Variants in PLSCR2 observed in about 807,000 individuals in gnomAD.
The protein encoded by PLSCR2 is PL scramblase 2.
A neutral mutation model predicts 25.3 loss-of-function variants in PLSCR2; 18 were observed. The observed-to-expected ratio is 0.71, with a 90% confidence interval of 0.49 to 1.06. PLSCR2 has a LOEUF of 1.06. Among genes scored for constraint, PLSCR2 ranks in the 50% least tolerant of loss-of-function variants. PLSCR2 has a pLI of 0.00. For missense variants in PLSCR2, 243 were observed against 269.5 expected (o/e 0.90, Z 0.69); for synonymous variants, 88 against 87.3 (o/e 1.01, Z -0.04).
At chr3:146,397,605 T>C (rs1435378027) in intron 2 of PLSCR2, among the ~76,000 whole-genome samples, 1 of 152,164 alleles carries the variant, frequency 6.6e-6, no homozygotes, top group Non-Finnish European at 1.5e-5. Context: ...TTTAAAATTG[T>C]TTCGCTTCAA....
At chr3:146,437,125 C>G (rs2039911822), downstream of PLSCR2, among the ~76,000 whole-genome samples, 2 of 152,052 alleles carry the variant, frequency 1.3e-5, no homozygotes, top group Admixed American at 1.3e-4. Context: ...AGGAATGAAG[C>G]CCACTAGATC....
chr3:146,448,360 G>T (rs1015934194), intron 6 of PLSCR2, among the ~76,000 whole-genome samples: 3 of 152,060 alleles, frequency 2.0e-5, no homozygotes, highest in Non-Finnish European at 4.4e-5. Flanking sequence ...ATCTGTTAAG[G>T]TTTTCTGATT....
chr3:146,456,456 T>TG lies in PLSCR2; in HGVS notation c.101-998dup, dbSNP rs112854666. ...AACATCTGCTGTAGACAAAAGTTTGTGAAAAAATTTAAAATCGAATATAAA... is the reference window on the plus strand; with the variant it reads ...AACATCTGCTGTAGACAAAAGTTTGTGGAAAAAATTTAAAATCGAATATAAA... On this transcript the variant is annotated intron_variant, in intron 3 of 6. Transcript: ENST00000610787. 2.2e-3 allele frequency among the ~76,000 whole-genome samples: 332 copies of TG among 152,284 alleles called. 1 individual carries two copies. The highest frequency in any genetic ancestry group is 7.6e-3 in the African/African-American group (315 of 41,556).
intron 1 of PLSCR2, among the ~76,000 whole-genome samples, chr3:146,479,214 C>T (rs1363436786): frequency 6.6e-6 from 1 of 152,030 alleles, no homozygotes; most frequent in Admixed American, 6.6e-5. Flanking sequence ...CTAACATTAT[C>T]ACGACAGGAT....
chr3:146,411,647 A>G (rs1166831779), intron 2 of PLSCR2, among the ~76,000 whole-genome samples: 1 of 152,190 alleles, frequency 6.6e-6, no homozygotes, highest in Admixed American at 6.5e-5. Context: ...ACACTTTGAG[A>G]TGAATTGAGA....
rs796307453 is a variant in PLSCR2 at position 146,399,674 on chromosome 3, TTTCTTTCCTTCCTTCC to T, written c.101-3769_101-3754del. Among the ~76,000 whole-genome samples the T allele has an allele frequency of 2.2e-4, 34 of 151,676 alleles. 1 individual carries two copies. Among genetic ancestry groups the T allele is most frequent in the Admixed American group, 1.1e-3 (17 of 15,222 alleles). On this transcript the variant is annotated intron_variant and NMD_transcript_variant, in intron 2 of 3. Coordinates refer to the PLSCR2 transcript ENST00000463633. ...TTCTGAAAAGTAGAGAATTCTGGCC[TTTCTTTCCTTCCTTCC>T]TTCTTTCCTTCCTTCCTTCTGCTCT...
chr3:146,444,919 G>C (rs2868436), intron 6 of PLSCR2, among the ~76,000 whole-genome samples: 73,577 of 151,682 alleles, frequency 0.49, 18,775 homozygotes, highest in South Asian at 0.7. Context: ...GATTCTGTAT[G>C]TATCTTTTCT....
chr3:146,480,020 G>T (rs1470321429), intron 1 of PLSCR2, among the ~76,000 whole-genome samples: 2 of 152,120 alleles, frequency 1.3e-5, no homozygotes, highest in African/African-American at 2.4e-5. Flanking sequence ...CAAAAATAAA[G>T]ATGTTCTTTG....
intron 2 of PLSCR2, among the ~76,000 whole-genome samples, chr3:146,424,217 T>G (rs1004798617): frequency 2.6e-5 from 4 of 152,040 alleles, no homozygotes; most frequent in Non-Finnish European, 5.9e-5. Context: ...ACCTTCTCAC[T>G]ATGTCCTCCC....
chr3:146,426,680 T>A (rs918746766), intron 2 of PLSCR2, among the ~76,000 whole-genome samples: 1 of 152,334 alleles, frequency 6.6e-6, no homozygotes, highest in Admixed American at 6.5e-5. Context: ...GGAAAGCAGA[T>A]AAATATTATT....
At chr3:146,434,635 A>G (rs1337875727) in intron 8 of PLSCR2, among the ~76,000 whole-genome samples, 1 of 152,088 alleles carries the variant, frequency 6.6e-6, no homozygotes, top group Non-Finnish European at 1.5e-5. Context: ...AATCCCTAAA[A>G]ATTAAGAACA....
chr3:146,469,371 C>G lies in PLSCR2; in HGVS notation c.-292-9087G>C, dbSNP rs963681409. 5.2e-6 allele frequency: 5 copies of G among 959,498 alleles called. No individual in the cohort carries two copies. The African/African-American group carries it at 5.3e-5, about 10-fold the overall frequency. The allele number at this position is 959,498 out of a possible 1,614,324, so 59.4% of individuals were successfully genotyped here. On this transcript the variant is annotated intron_variant, in intron 1 of 8. Coordinates refer to the PLSCR2 transcript ENST00000336685. ...CCGTTCCACTTCAGGTGTCGCTTCC[C>G]GCGGCCCATTGGGCCCTTGCCCCGC...
upstream of PLSCR2, chr3:146,463,908 G>C (rs1019879709): frequency 1.0e-6 from 1 of 973,092 alleles, no homozygotes; most frequent in Admixed American, 6.2e-5. Flanking sequence ...AAACTCTTAA[G>C]AATTCTCCAA....
At chr3:146,449,551 G>GTGTAT (rs2040773907) in intron 5 of PLSCR2, among the ~76,000 whole-genome samples, 184 bp from the exon 6 acceptor site, 1 of 151,942 alleles carries the variant, frequency 6.6e-6, no homozygotes, top group East Asian at 1.9e-4. Context: ...ATAAAAAACT[G>GTGTAT]TTCTATTGTG....
chr3:146,428,037 G>A (rs954938499), intron 2 of PLSCR2, among the ~76,000 whole-genome samples: 1 of 152,018 alleles, frequency 6.6e-6, no homozygotes, highest in Non-Finnish European at 1.5e-5. Context: ...AAATTAGATT[G>A]CAAAACAAAG....
intron 2 of PLSCR2, among the ~76,000 whole-genome samples, chr3:146,397,443 C>G (rs553353599): frequency 6.6e-6 from 1 of 152,068 alleles, no homozygotes; most frequent in Non-Finnish European, 1.5e-5. Flanking sequence ...AGTTCTGGCC[C>G]TGTAACTAGC....
chr3:146,433,794 G>C (rs943078640), intron 8 of PLSCR2, among the ~76,000 whole-genome samples: 17 of 152,126 alleles, frequency 1.1e-4, no homozygotes, highest in African/African-American at 3.6e-4. Context: ...AGGTCATCTA[G>C]ACATTGCTTT....
At chr3:146,450,858 C>T (rs1169725108) in intron 5 of PLSCR2, among the ~76,000 whole-genome samples, 2 of 151,594 alleles carry the variant, frequency 1.3e-5, no homozygotes, top group African/African-American at 2.4e-5. Flanking sequence ...AAAAATTCAC[C>T]AAATTTATGC....
At chr3:146,395,814 T>C (rs923800728) in exon 3 of PLSCR2, 11 of 175,836 alleles carry the variant, frequency 6.3e-5, no homozygotes, top group Admixed American at 1.3e-4. Flanking sequence ...CAAGATCAAA[T>C]GGAAACTGGA....
Sources: allele counts gnomAD v4.1 joint callset (sites outside exome capture counted in the v4.1 genomes callset), GRCh38; gene constraint gnomAD v4.1.1; transcripts MANE v1.5; gene names NCBI Gene and HGNC (gene_info 2026-07-23, HGNC 2026-07-21).